Variants in TSPAN10 observed in about 807,000 individuals in gnomAD.
TSPAN10 encodes tetraspanin 10, also known as tetraspanin-10.
Under a neutral mutation model 15.0 loss-of-function variants are expected in TSPAN10, and 11 were observed. The observed-to-expected ratio is 0.73, with a 90% confidence interval of 0.46 to 1.21. The LOEUF is 1.21. TSPAN10 is among the 50% of genes most tolerant of loss of function. TSPAN10 has a pLI of 0.00. For missense variants in TSPAN10, 486 were observed against 470.6 expected, an observed-to-expected ratio of 1.03 and a Z score of -0.30; for synonymous variants, 241 against 226.2, an observed-to-expected ratio of 1.07 and a Z score of -0.59.
chr17:81,646,987 C>CT (rs1044474463), intron 2 of TSPAN10, among the ~76,000 whole-genome samples: 1 of 152,046 alleles, frequency 6.6e-6, no homozygotes, highest in Non-Finnish European at 1.5e-5. Flanking sequence ...GCAGCACCTA[C>CT]TCTCCATGCC....
chr17:81,642,482 G>A lies in TSPAN10; in HGVS notation c.36+34G>A, dbSNP rs765321335. On this transcript the variant is annotated intron_variant, in intron 1 of 2. Coordinates refer to ENST00000611590, the Ensembl canonical transcript of TSPAN10. ...TGCCAAGTGGCCTTGCCCTGAGGTT[G>A]GAGATGTCCCCAGCCCTGAAGTCCT... 5 of 1,590,754 alleles carry A rather than the reference G, an allele frequency of 3.1e-6. No individual in the cohort carries two copies. The South Asian group carries it at 5.7e-5, about 18-fold the overall frequency.
At chr17:81,640,321 G>A (rs2036167168), upstream of TSPAN10, among the ~76,000 whole-genome samples, 1 of 151,824 alleles carries the variant, frequency 6.6e-6, no homozygotes, top group African/African-American at 2.4e-5. Flanking sequence ...TTAGCTCGAA[G>A]ATGGCACCTT....
chr17:81,643,028 T>C (rs189778699), intron 1 of TSPAN10, among the ~76,000 whole-genome samples: 2,275 of 148,694 alleles, frequency 0.015, 36 homozygotes, highest in South Asian at 0.026. Context: ...TATATTTAGA[T>C]AGAGTCTCGC....
chr17:81,642,636 C>G (rs2036189764), intron 1 of TSPAN10, among the ~76,000 whole-genome samples, 188 bp downstream of exon 2: 1 of 152,202 alleles, frequency 6.6e-6, no homozygotes, highest in South Asian at 2.1e-4. Context: ...GCGCAGTTCT[C>G]TCAGCCCCAT....
exon 1 of TSPAN10, chr17:81,637,212 C>T (rs1030800601): frequency 4.2e-6 from 2 of 471,728 alleles, no homozygotes; most frequent in Middle Eastern, 3.3e-4. Flanking sequence ...GCCATCCCTG[C>T]AACTGGAGGA....
At chr17:81,648,428 AC>A, downstream of TSPAN10, 1 of 875,520 alleles carries the variant, frequency 1.1e-6, no homozygotes, top group Non-Finnish European at 1.5e-6. Context: ...CGCAGGACCT[AC>A]CCAGCTCGCT....
chr17:81,648,327 C>T, downstream of TSPAN10: 1 of 1,200,532 alleles, frequency 8.3e-7, no homozygotes. Flanking sequence ...CCGCCACGCA[C>T]AGGGATACAG....
At chr17:81,648,578 C>T (rs1254252296), downstream of TSPAN10, 1 of 269,820 alleles carries the variant, frequency 3.7e-6, no homozygotes, top group Admixed American at 5.4e-5. Context: ...ACTCCCACCC[C>T]AGCCGCACAG....
upstream of TSPAN10, among the ~76,000 whole-genome samples, chr17:81,641,288 G>A (rs1330164124): frequency 1.3e-5 from 2 of 152,134 alleles, no homozygotes; most frequent in African/African-American, 4.8e-5. Flanking sequence ...GTCACCTTTG[G>A]GGAGGTGAAG....
At chr17:81,639,990 A>AG (rs1159798568), upstream of TSPAN10, among the ~76,000 whole-genome samples, 3 of 151,660 alleles carry the variant, frequency 2.0e-5, no homozygotes, top group African/African-American at 7.3e-5. Flanking sequence ...AAAAAAAAAA[A>AG]AAAAAGAAAA....
chr17:81,640,661 G>A (rs896870394), upstream of TSPAN10, among the ~76,000 whole-genome samples: 3 of 152,104 alleles, frequency 2.0e-5, no homozygotes, highest in East Asian at 5.9e-4. Context: ...TGTTGGCCAG[G>A]CTGGTCTCAA....
At chr17:81,639,963 G>C (rs1269367659), upstream of TSPAN10, among the ~76,000 whole-genome samples, 1 of 150,772 alleles carries the variant, frequency 6.6e-6, no homozygotes, top group East Asian at 1.9e-4. Flanking sequence ...CTGGGCGACA[G>C]AGCAAGACTC....
Position 81,647,907 on chromosome 17 carries a change from T to TAACC in TSPAN10, c.684_685insCAAC (p.Cys229GlnfsTer?). The TAACC allele has an allele frequency of 6.5e-7, 1 of 1,535,724 alleles. No homozygotes were observed. Among genetic ancestry groups the TAACC allele is most frequent in the Non-Finnish European group, 8.8e-7 (1 of 1,138,200 alleles). On this transcript the variant is annotated frameshift_variant, in exon 3 of 3. Transcript: ENST00000611590. LOFTEE classifies it low-confidence loss of function (END_TRUNC). Reference sequence around the variant, plus strand: ...GATTCCATGCGCCTTGCAGGTACTTTAACTGCAGCTCCCCCGGGGTGCAGG... The same window carrying TAACC: ...GATTCCATGCGCCTTGCAGGTACTTTAACCAACTGCAGCTCCCCCGGGGTGCAGG...
At chr17:81,639,775 G>A (rs1169668413), upstream of TSPAN10, among the ~76,000 whole-genome samples, 13 of 151,108 alleles carry the variant, frequency 8.6e-5, no homozygotes, top group South Asian at 2.1e-4. Flanking sequence ...TCAGGAGATC[G>A]AGACCATCCT....
At chr17:81,639,247 G>T (rs868468496), upstream of TSPAN10, 2 of 118,964 alleles carry the variant, frequency 1.7e-5, no homozygotes, top group Non-Finnish European at 3.2e-5. Flanking sequence ...TCCCTCTGTC[G>T]CCCAGGTTGG....
chr17:81,642,404 G>T, upstream of TSPAN10: 1 of 1,613,568 alleles, frequency 6.2e-7, no homozygotes, highest in African/African-American at 1.3e-5. Context: ...TTCTGTTCCA[G>T]CGTCAAGGAT....
chr17:81,641,295 G>A (rs530449163), upstream of TSPAN10, among the ~76,000 whole-genome samples: 1 of 152,256 alleles, frequency 6.6e-6, no homozygotes, highest in Admixed American at 6.5e-5. Context: ...TTGGGGAGGT[G>A]AAGGGAAGCT....
At chr17:81,642,616 C>G (rs549818306) in intron 1 of TSPAN10, among the ~76,000 whole-genome samples, 168 bp downstream of exon 2, 7 of 152,340 alleles carry the variant, frequency 4.6e-5, no homozygotes, top group Non-Finnish European at 8.8e-5. Context: ...CCCCCTCCCC[C>G]TTCCCCACTG....
upstream of TSPAN10, chr17:81,639,024 TAAGCGCCTCCCG>T (rs2036151017): frequency 6.6e-6 from 1 of 151,952 alleles, no homozygotes; most frequent in South Asian, 2.1e-4. Flanking sequence ...AACTATAAAC[TAAGCGCCTCCCG>T]AAGTTATTTC....
Sources: gnomAD v4.1 joint callset for allele counts (sites outside exome capture counted in the v4.1 genomes callset) on GRCh38, gnomAD v4.1.1 for gene constraint, MANE v1.5 for transcripts, NCBI Gene and HGNC (gene_info 2026-07-23, HGNC 2026-07-21) for gene names.